FUT8: variants seen among roughly 807,000 people sequenced by gnomAD.
The protein encoded by FUT8 is alpha-(1,6)-fucosyltransferase.
Under a neutral mutation model 71.3 loss-of-function variants are expected in FUT8, and 29 were observed. The ratio of observed to expected loss-of-function variants is 0.41; its 90% CI spans 0.30 to 0.55. The LOEUF is 0.55. Ranked by LOEUF, FUT8 falls within the 20% of genes least tolerant of loss-of-function variation. The pLI is 0.34. For synonymous variants in FUT8, 254 were observed against 239.3 expected (o/e 1.06, Z -0.57); for missense variants, 544 against 702.1 (o/e 0.77, Z 2.55).
At chr14:65,576,286 G>C (rs1009962901) in intron 3 of FUT8, among the ~76,000 whole-genome samples, 1 of 152,086 alleles carries the variant, frequency 6.6e-6, no homozygotes, top group Admixed American at 6.5e-5. Context: ...ACATGTAAGA[G>C]GCCATTTGTA....
At chr14:65,664,609 ACTT>A (rs1425944281) in intron 6 of FUT8, among the ~76,000 whole-genome samples, 1 of 152,140 alleles carries the variant, frequency 6.6e-6, no homozygotes. Flanking sequence ...TATGAAAGGT[ACTT>A]CTTCTGGAGG....
At chr14:65,556,547 C>G (rs78341868) in intron 2 of FUT8, among the ~76,000 whole-genome samples, 1 of 152,152 alleles carries the variant, frequency 6.6e-6, no homozygotes, top group Non-Finnish European at 1.5e-5. Context: ...GACACAGAAG[C>G]TCCAGTCTTT....
intron 2 of FUT8, among the ~76,000 whole-genome samples, chr14:65,475,123 G>T (rs754324817): frequency 2.0e-5 from 3 of 151,962 alleles, no homozygotes; most frequent in Non-Finnish European, 4.4e-5. Context: ...ATCTTGTCTC[G>T]CTTTTTCCTC....
chr14:65,729,034 G>GTTTT (rs557668131), intron 9 of FUT8, among the ~76,000 whole-genome samples: 23 of 103,676 alleles, frequency 2.2e-4, no homozygotes, highest in Admixed American at 4.5e-4. Context: ...TTGTAAACAT[G>GTTTT]TTTTTTTTTT....
intron 1 of FUT8, among the ~76,000 whole-genome samples, chr14:65,424,208 A>T (rs989474204): frequency 3.9e-5 from 6 of 152,364 alleles, no homozygotes; most frequent in Middle Eastern, 6.8e-3. Flanking sequence ...GATTAATGTC[A>T]CATGGTACTT....
intron 6 of FUT8, among the ~76,000 whole-genome samples, chr14:65,631,320 T>TGATA (rs1890169813): frequency 6.6e-6 from 1 of 152,242 alleles, no homozygotes; most frequent in South Asian, 2.1e-4. Flanking sequence ...TATGATCTAG[T>TGATA]GATAGTTCAG....
chr14:65,540,602 A>C (rs1461326315), intron 2 of FUT8, among the ~76,000 whole-genome samples: 3 of 152,216 alleles, frequency 2.0e-5, no homozygotes, highest in Non-Finnish European at 2.9e-5. Context: ...GACTTCTTTT[A>C]CAAAAGAAAA....
chr14:65,736,711 C>A (rs1896234461), intron 10 of FUT8, among the ~76,000 whole-genome samples: 1 of 151,912 alleles, frequency 6.6e-6, no homozygotes, highest in South Asian at 2.1e-4. Flanking sequence ...TGGAGGAAGA[C>A]TAAAGCCATA....
At chr14:65,522,063 C>A (rs1017937613) in intron 2 of FUT8, among the ~76,000 whole-genome samples, 3 of 152,170 alleles carry the variant, frequency 2.0e-5, no homozygotes, top group Admixed American at 6.5e-5. Flanking sequence ...TAACTTTAGT[C>A]CATTGATGGG....
At chr14:65,698,807 G>T (rs1009308931) in intron 7 of FUT8, among the ~76,000 whole-genome samples, 2 of 152,024 alleles carry the variant, frequency 1.3e-5, no homozygotes, top group Non-Finnish European at 2.9e-5. Flanking sequence ...CATTTATTTT[G>T]TGCTTTTTAT....
intron 3 of FUT8, among the ~76,000 whole-genome samples, chr14:65,580,805 A>T (rs573659983): frequency 1.3e-5 from 2 of 152,230 alleles, no homozygotes; most frequent in South Asian, 4.1e-4. Context: ...TTATTCCAAC[A>T]ACAGGATTTG....
the FUT8 span, among the ~76,000 whole-genome samples, chr14:65,379,067 G>A: frequency 6.6e-6 from 1 of 151,496 alleles, no homozygotes; most frequent in Non-Finnish European, 1.5e-5. Flanking sequence ...GGCTGGTCTC[G>A]AACTCCTAAC....
rs535618102 is a variant in FUT8 at position 65,638,212 on chromosome 14, G to C, written c.597+8606G>C. On this transcript the variant is annotated intron_variant, in intron 6 of 10. Transcript: ENST00000673929. This position sits in a 1 kb window ranked among gnomAD's most constrained non-coding sequence, Gnocchi z 4.5. Reference sequence around the variant, plus strand: ...CTCCCAAGACCCTCCGTCTCTATCTGCCTAACCAGCCCCTAACTGCCTCCT... The same window carrying C: ...CTCCCAAGACCCTCCGTCTCTATCTCCCTAACCAGCCCCTAACTGCCTCCT... Among the ~76,000 whole-genome samples, 1 of 152,152 alleles carries C rather than the reference G, an allele frequency of 6.6e-6. No homozygotes were observed. The highest frequency in any genetic ancestry group is 2.1e-4 in the South Asian group (1 of 4,822).
At chr14:65,606,440 TA>T (rs952608453) in intron 3 of FUT8, among the ~76,000 whole-genome samples, 3 of 151,430 alleles carry the variant, frequency 2.0e-5, no homozygotes, top group East Asian at 1.9e-4. Context: ...TTTGGGCTTT[TA>T]AAAAAAAATC....
the FUT8 span, among the ~76,000 whole-genome samples, chr14:65,382,889 A>ATT: frequency 6.6e-6 from 1 of 151,682 alleles, no homozygotes; most frequent in Non-Finnish European, 1.5e-5. Context: ...GATCAAATTC[A>ATT]TTATGCCCCA....
chr14:65,370,209 T>C, the FUT8 span, among the ~76,000 whole-genome samples: 1 of 137,102 alleles, frequency 7.3e-6, no homozygotes, highest in Non-Finnish European at 1.6e-5. Context: ...GTCTTTTTTT[T>C]TTTTTTTTTT....
At chr14:65,361,803 CAAACAAATAAATAAAT>C in the FUT8 span, among the ~76,000 whole-genome samples, 4 of 150,110 alleles carry the variant, frequency 2.7e-5, no homozygotes, top group Non-Finnish European at 5.9e-5. Flanking sequence ...AACAAACAAA[CAAACAAATAAATAAAT>C]AAATAAATAA....
At chr14:65,724,899 C>G (rs1033982299) in intron 9 of FUT8, among the ~76,000 whole-genome samples, 5 of 152,150 alleles carry the variant, frequency 3.3e-5, no homozygotes, top group Non-Finnish European at 7.3e-5. Context: ...ATGACCTCAT[C>G]TAAGCCTAAT....
upstream of FUT8, chr14:65,412,385 G>A (rs931067898): frequency 1.3e-5 from 6 of 454,108 alleles, no homozygotes; most frequent in African/African-American, 4.0e-5. Flanking sequence ...GTCCATTCCC[G>A]GCGCTGTAGG....
Sources: gnomAD v4.1 joint callset for allele counts (sites outside exome capture counted in the v4.1 genomes callset) on GRCh38, gnomAD v4.1.1 for gene constraint, Gnocchi (gnomAD v3.1) non-coding constraint, MANE v1.5 for transcripts, NCBI Gene and HGNC (gene_info 2026-07-23, HGNC 2026-07-21) for gene names.